Variants in INTS9 observed in about 807,000 individuals in gnomAD.
INTS9 encodes integrator complex subunit 9.
A neutral mutation model predicts 79.7 loss-of-function variants in INTS9; 55 were observed. The ratio of observed to expected loss-of-function variants is 0.69; its 90% CI spans 0.56 to 0.86. The LOEUF is 0.86. Among genes scored for constraint, INTS9 ranks in the 40% least tolerant of loss-of-function variants. INTS9 has a pLI of 0.00. For missense variants in INTS9, 721 were observed against 831.5 expected (o/e 0.87, Z 1.64); for synonymous variants, 319 against 325.2 (o/e 0.98, Z 0.20).
chr8:28,884,589 A>G (rs1040517421), intron 1 of INTS9, among the ~76,000 whole-genome samples: 4 of 152,186 alleles, frequency 2.6e-5, no homozygotes, highest in Admixed American at 1.3e-4. Context: ...ATCACAGACC[A>G]TTACTGAGAA....
At chr8:28,858,278 T>C (rs1808280208) in intron 2 of INTS9, among the ~76,000 whole-genome samples, 1 of 152,306 alleles carries the variant, frequency 6.6e-6, no homozygotes, top group Middle Eastern at 3.4e-3. Flanking sequence ...GTGATGTCTT[T>C]CTCCCTGATA....
At chr8:28,856,406 T>A (rs768351898) in intron 2 of INTS9, among the ~76,000 whole-genome samples, 7 of 152,092 alleles carry the variant, frequency 4.6e-5, no homozygotes, top group Non-Finnish European at 7.4e-5. Flanking sequence ...GAGGGCATGT[T>A]GAATTTTGTT....
chr8:28,767,998 T>C lies in INTS9; in HGVS notation c.*148A>G, dbSNP rs1346653336. Reference sequence around the variant, plus strand: ...CAGTGCTGGGAATAAGTCCAGACCATTTCCCTCAAGAGCCACCTCTTCACT... The same window carrying C: ...CAGTGCTGGGAATAAGTCCAGACCACTTCCCTCAAGAGCCACCTCTTCACT... On this transcript the variant is annotated 3_prime_UTR_variant, in exon 17 of 17. Coordinates refer to ENST00000521022, the MANE Select transcript of INTS9 (RefSeq NM_018250.4). 2 of 728,696 alleles carry C rather than the reference T, an allele frequency of 2.7e-6. No individual in the cohort carries two copies. Among genetic ancestry groups the C allele is most frequent in the Admixed American group, 4.3e-5 (2 of 46,464 alleles). The allele number at this position is 728,696 out of a possible 1,614,324, so 45.1% of individuals were successfully genotyped here.
intron 6 of INTS9, among the ~76,000 whole-genome samples, chr8:28,815,843 A>T (rs1170261300): frequency 6.6e-6 from 1 of 152,120 alleles, no homozygotes; most frequent in Non-Finnish European, 1.5e-5. Flanking sequence ...AAATACTATA[A>T]TTGCTAAAAT....
chr8:28,861,071 AC>A (rs1808436053), intron 1 of INTS9, among the ~76,000 whole-genome samples: 1 of 152,232 alleles, frequency 6.6e-6, no homozygotes, highest in Non-Finnish European at 1.5e-5. Context: ...ATTTTACCAA[AC>A]CAAAATTCAC....
rs752814867 is a variant in INTS9 at position 28,846,765 on chromosome 8, C to G, written c.243G>C (p.Pro81=). 2.5e-6 allele frequency: 4 copies of G among 1,612,772 alleles called. No individual in the cohort carries two copies. The African/African-American group carries it at 5.3e-5, about 22-fold the overall frequency. Residue 81 remains proline, a synonymous_variant, in exon 4 of 17, where the codon CCG becomes CCC. Transcript: ENST00000521022. ...ATCTTACCTCTGGTAAACAGAATTC[C>G]GGCACAGAATCCACAAATACATGAC... ...CSGHVFVDSV[P]EFCLPETELI...
At chr8:28,831,968 G>T (rs1355230847) in intron 6 of INTS9, among the ~76,000 whole-genome samples, 1 of 152,156 alleles carries the variant, frequency 6.6e-6, no homozygotes, top group Admixed American at 6.5e-5. Context: ...GCCTCCCAAA[G>T]TGATGGGATT....
At chr8:28,889,100 T>TA (rs1283991307) in intron 1 of INTS9, among the ~76,000 whole-genome samples, 3 of 152,188 alleles carry the variant, frequency 2.0e-5, no homozygotes. Flanking sequence ...CCTGCCTTTC[T>TA]ACACTATGTT....
intron 4 of INTS9, among the ~76,000 whole-genome samples, chr8:28,838,055 T>C (rs865853814): frequency 1.3e-4 from 20 of 151,990 alleles, no homozygotes; most frequent in African/African-American, 3.9e-4. Context: ...TGAGGTTAAA[T>C]GACAGCAGGA....
chr8:28,786,132 T>C (rs1803573214), intron 11 of INTS9, among the ~76,000 whole-genome samples: 1 of 152,212 alleles, frequency 6.6e-6, no homozygotes, highest in South Asian at 2.1e-4. Flanking sequence ...GATCTTTCAC[T>C]CACATTATGT....
At chr8:28,889,611 G>A (rs1563325905) in intron 1 of INTS9, among the ~76,000 whole-genome samples, 1 of 152,104 alleles carries the variant, frequency 6.6e-6, no homozygotes, top group East Asian at 1.9e-4. Flanking sequence ...GTTCATGGGC[G>A]AAGGACTGTG....
rs1276773640 is a variant in INTS9, at chr8:28,771,040, A to G, written c.1604T>C (p.Ile535Thr). ...CACGGCCGAGACAGTTGCCAAGGAG[A>G]TGCCAGGCTTGATCTCCATGGGCAC... Reference protein sequence around the residue: ...SLVPMEIKPGISLATVSAVLH... With the variant: ...SLVPMEIKPGTSLATVSAVLH... The change falls in exon 15 of 17, where the codon ATC becomes ACC. Residue 535 changes from isoleucine (I) to threonine (T), a missense_variant. Coordinates refer to ENST00000521022, the MANE Select transcript of INTS9 (RefSeq NM_018250.4). 1 of 1,613,334 alleles carries G rather than the reference A, an allele frequency of 6.2e-7. No homozygotes were observed. The highest frequency in any genetic ancestry group is 8.5e-7 in the Non-Finnish European group (1 of 1,179,712).
chr8:28,787,552 C>T (rs1646850730), intron 11 of INTS9, among the ~76,000 whole-genome samples: 1 of 152,162 alleles, frequency 6.6e-6, no homozygotes, highest in African/African-American at 2.4e-5. Context: ...ATTTGGGATG[C>T]TCAACCAGTA....
chr8:28,811,642 A>T (rs1464543873), intron 8 of INTS9, among the ~76,000 whole-genome samples: 1 of 151,994 alleles, frequency 6.6e-6, no homozygotes, highest in Admixed American at 6.6e-5. Flanking sequence ...GCCGGTCCTG[A>T]ACTCCTAGGC....
intron 6 of INTS9, among the ~76,000 whole-genome samples, chr8:28,835,080 A>C (rs1260225064): frequency 6.6e-6 from 1 of 152,244 alleles, no homozygotes. Context: ...AATTGTTCCT[A>C]AAAACTCTGG....
intron 14 of INTS9, among the ~76,000 whole-genome samples, chr8:28,773,220 C>T (rs935057814): frequency 3.9e-5 from 6 of 152,182 alleles, no homozygotes; most frequent in East Asian, 1.9e-4. Flanking sequence ...TCCCAGCACT[C>T]TGGGAGGCCA....
chr8:28,799,059 G>A (rs1056843445), intron 8 of INTS9, among the ~76,000 whole-genome samples: 2 of 152,176 alleles, frequency 1.3e-5, no homozygotes, highest in Non-Finnish European at 2.9e-5. Flanking sequence ...CACTTTGTGA[G>A]GCCAAGGCGG....
chr8:28,872,898 A>G (rs1177735580), intron 1 of INTS9, among the ~76,000 whole-genome samples: 3 of 152,208 alleles, frequency 2.0e-5, no homozygotes, highest in East Asian at 3.8e-4. Context: ...TGACTCACAC[A>G]GAAGGTATCA....
At chr8:28,770,767 C>T (rs241176) in intron 15 of INTS9, among the ~76,000 whole-genome samples, 2,362 of 152,318 alleles carry the variant, frequency 0.016, 22 homozygotes, top group Admixed American at 0.025. Context: ...CCCTGCCTCG[C>T]GTGGCAGCGC....
Sources: allele counts gnomAD v4.1 joint callset (sites outside exome capture counted in the v4.1 genomes callset), GRCh38; gene constraint gnomAD v4.1.1; transcripts MANE v1.5; gene names NCBI Gene and HGNC (gene_info 2026-07-23, HGNC 2026-07-21).